The following TTC21B variants were observed in gnomAD, a reference collection of about 807,000 sequenced individuals.
TTC21B encodes the protein tetratricopeptide repeat domain 21B, also known as tetratricopeptide repeat protein 21B.
In TTC21B, 127 loss-of-function variants were observed where a neutral mutation model predicts 175.1. That is an observed-to-expected ratio of 0.73 (90% CI 0.63 to 0.84). TTC21B has a LOEUF of 0.84. Among genes scored for constraint, TTC21B ranks in the 40% least tolerant of loss-of-function variants. The pLI is 0.00. For missense variants in TTC21B, 1,561 were observed against 1,558.3 expected (o/e 1.00, Z -0.03); for synonymous variants, 524 against 524.5 (o/e 1.00, Z 0.01).
At chr2:165,947,193 T>TATATATATA (rs61351063) in intron 3 of TTC21B, 17 of 134,690 alleles carry the variant, frequency 1.3e-4, no homozygotes, top group South Asian at 2.4e-4. Flanking sequence ...TATATATATA[T>TATATATATA]TAGTATCTGC....
rs1687363944 is a variant in TTC21B at position 165,941,439 on chromosome 2, G to A, written c.553-255C>T. Among the ~76,000 whole-genome samples, 3 of 151,846 alleles carry A rather than the reference G, an allele frequency of 2.0e-5. No homozygotes were observed. In the South Asian group the frequency reaches 6.2e-4, roughly 32 times the overall value. The stretch of plus-strand genomic sequence containing the variant: ...ATTAAAGGATAAAATTTTTTAAAAT[G>A]TTCTCGGAAATACCATAAAATAATG... On this transcript the variant is annotated intron_variant, in intron 5 of 28. Transcript: ENST00000243344.
intron 27 of TTC21B, chr2:165,879,798 G>A (rs756280500): frequency 2.6e-5 from 4 of 151,926 alleles, no homozygotes; most frequent in Admixed American, 6.6e-5. Context: ...CTCCCCAACT[G>A]TTCCAAAGCA....
chr2:165,930,490 A>C, intron 8 of TTC21B, 126 bp from the exon 9 acceptor site: 1 of 623,684 alleles, frequency 1.6e-6, no homozygotes, highest in South Asian at 3.2e-5. Flanking sequence ...AAAAAAATTA[A>C]TAATTAAGGA....
intron 13 of TTC21B, among the ~76,000 whole-genome samples, chr2:165,918,396 G>A (rs1686259879): frequency 6.6e-6 from 1 of 152,088 alleles, no homozygotes; most frequent in Non-Finnish European, 1.5e-5. Flanking sequence ...CCAGGTTCAC[G>A]CCATTCTCCT....
chr2:165,953,775 T>G lies in TTC21B; in HGVS notation c.-70A>C. 6.5e-7 allele frequency: 1 copy of G among 1,544,016 alleles called. No homozygotes were observed. The highest frequency in any genetic ancestry group is 8.7e-7 in the Non-Finnish European group (1 of 1,144,068). The stretch of plus-strand genomic sequence containing the variant: ...CGCAGCCTAAAGGAAGACGCAGAAT[T>G]CAGCTCCCCTAGCCTCCCGGAGCGC... On this transcript the variant is annotated 5_prime_UTR_variant, in exon 1 of 29. Coordinates refer to ENST00000243344, the MANE Select transcript of TTC21B (RefSeq NM_024753.5).
At chr2:165,939,429 T>C (rs1346694218) in intron 6 of TTC21B, among the ~76,000 whole-genome samples, 6 of 152,206 alleles carry the variant, frequency 3.9e-5, no homozygotes, top group African/African-American at 1.4e-4. Flanking sequence ...ATTGTTTGCA[T>C]GAAAAGTTCT....
chr2:165,953,250 C>A (rs985260981), intron 1 of TTC21B, among the ~76,000 whole-genome samples: 1 of 152,212 alleles, frequency 6.6e-6, no homozygotes, highest in African/African-American at 2.4e-5. Context: ...ATAACGACCC[C>A]TCCACTTTTA....
chr2:165,890,338 G>C lies in TTC21B; in HGVS notation c.3263+141C>G, dbSNP rs954142036. On this transcript the variant is annotated intron_variant, in intron 24 of 28. Coordinates refer to ENST00000243344, the MANE Select transcript of TTC21B (RefSeq NM_024753.5). ...CTAAAATAACTATTCTCTGAAACAG[G>C]CAATGAAATGCCTATTTATTTAATT... The C allele has an allele frequency of 4.7e-5, 34 of 725,148 alleles. No individual in the cohort carries two copies. The Admixed American group carries it at 9.0e-4, about 19-fold the overall frequency. 44.9% of individuals were successfully genotyped at this position (725,148 alleles called of 1,614,324 possible).
chr2:165,946,899 G>A (rs60121282), intron 3 of TTC21B, among the ~76,000 whole-genome samples: 45,117 of 151,582 alleles, frequency 0.3, 7,660 homozygotes, highest in Non-Finnish European at 0.39. Flanking sequence ...TAGAAAGGCT[G>A]TATATACTAA....
Position 165,941,006 on chromosome 2 carries a change from T to C in TTC21B, c.710+21A>G, listed in dbSNP as rs373927252. On this transcript the variant is annotated intron_variant, in intron 6 of 28. Transcript: ENST00000243344. The stretch of plus-strand genomic sequence containing the variant: ...TTATAACCAAATCCAAAGAGACTTG[T>C]GTCATCTTTTATTACTTAACCTTTG... 3.9e-4 allele frequency: 628 copies of C among 1,612,398 alleles called. 2 individuals are homozygous for C. Among genetic ancestry groups the C allele is most frequent in the Non-Finnish European group, 5.0e-4 (588 of 1,178,602 alleles).
At chr2:165,949,201 G>A (rs578045337) in intron 3 of TTC21B, 193 bp downstream of exon 3, 29 of 597,036 alleles carry the variant, frequency 4.9e-5, no homozygotes, top group African/African-American at 1.7e-4. Context: ...TAAGGAACAC[G>A]AAAATAGTAT....
Position 165,883,864 on chromosome 2 carries a change from T to A in TTC21B, c.3614A>T (p.Asp1205Val). 1.2e-6 allele frequency: 2 copies of A among 1,614,128 alleles called. No individual in the cohort carries two copies. Among genetic ancestry groups the A allele is most frequent in the Non-Finnish European group, 1.7e-6 (2 of 1,179,996 alleles). ...ATATTTTGCTGATTGAATGTAAATA[T>A]CAGCAAGTAGCAGCCAACTCTTCTC... ...EFEKSWLLLA[D>V]IYIQSAKYDM... The change falls in exon 26 of 29, where the codon GAT (aspartate) becomes GTT (valine). Residue 1205 changes from aspartate (D) to valine (V), a missense_variant. Asp to Val is a radical substitution (Grantham distance 152). Coordinates refer to ENST00000243344, the MANE Select transcript of TTC21B (RefSeq NM_024753.5).
rs1055790704 is a variant in TTC21B at position 165,881,560 on chromosome 2, G to A, written c.3685-761C>T. On this transcript the variant is annotated intron_variant, in intron 26 of 28. Coordinates refer to ENST00000243344, the MANE Select transcript of TTC21B (RefSeq NM_024753.5). ...TATTTATCCCCGAGTTTCTCACAAC[G>A]CAGGTTAATTGACTGCATCCTTGTG... Among the ~76,000 whole-genome samples, 6 of 152,016 alleles carry A rather than the reference G, an allele frequency of 3.9e-5. No individual in the cohort carries two copies. The East Asian group carries it at 9.6e-4, about 24-fold the overall frequency.
chr2:165,898,619 A>T, intron 22 of TTC21B, 67 bp downstream of exon 22: 2 of 1,101,250 alleles, frequency 1.8e-6, no homozygotes, highest in Non-Finnish European at 2.8e-6. Flanking sequence ...CATAACCACT[A>T]AACAGAAGAA....
intron 6 of TTC21B, among the ~76,000 whole-genome samples, chr2:165,935,716 G>A (rs915415266): frequency 6.6e-6 from 1 of 152,100 alleles, no homozygotes; most frequent in Non-Finnish European, 1.5e-5. Context: ...ATTTACATTA[G>A]CACTCCTTAA....
At chr2:165,937,709 G>C (rs1282190409) in intron 6 of TTC21B, among the ~76,000 whole-genome samples, 1 of 146,984 alleles carries the variant, frequency 6.8e-6, no homozygotes, top group African/African-American at 2.5e-5. Flanking sequence ...AGTACATTAT[G>C]AGTCTATTTA....
intron 12 of TTC21B, among the ~76,000 whole-genome samples, chr2:165,923,797 C>A (rs1686513159): frequency 1.4e-5 from 2 of 145,160 alleles, no homozygotes; most frequent in African/African-American, 5.1e-5. Flanking sequence ...ATCACTGACG[C>A]TGGAGTGCAG....
chr2:165,930,211 C>T lies in TTC21B; in HGVS notation c.1048G>A (p.Ala350Thr), dbSNP rs752711108. The T allele has an allele frequency of 1.7e-5, 27 of 1,613,032 alleles. No homozygotes were observed. The highest frequency in any genetic ancestry group is 3.3e-4 in the Middle Eastern group (2 of 6,078). Residue 350 changes from alanine (A) to threonine (T), a missense_variant, in exon 9 of 29, where the codon GCC becomes ACC. By Grantham distance (58) the Ala-to-Thr change is moderately conservative. Coordinates refer to ENST00000243344, the MANE Select transcript of TTC21B (RefSeq NM_024753.5). ...ACACTAGTCTCATCAAGTGTCATGG[C>T]GGTCTTATACCACTTCAGTGCCTCT... is the stretch of plus-strand genomic sequence containing the variant. ...VKEALKWYKTAMTLDETSVSA... is the reference protein window; with the variant it reads ...VKEALKWYKTTMTLDETSVSA...
At chr2:165,918,249 A>T (rs1574103789) in intron 13 of TTC21B, among the ~76,000 whole-genome samples, 3 of 152,308 alleles carry the variant, frequency 2.0e-5, no homozygotes, top group South Asian at 4.1e-4. Context: ...AGGCTCTGAC[A>T]TACCACTAGT....
Sources: gnomAD v4.1 joint callset for allele counts (sites outside exome capture counted in the v4.1 genomes callset) on GRCh38, gnomAD v4.1.1 for gene constraint, MANE v1.5 for transcripts, NCBI Gene and HGNC (gene_info 2026-07-23, HGNC 2026-07-21) for gene names.